The following PLSCR2 variants were observed in gnomAD, a reference collection of about 807,000 sequenced individuals.
PLSCR2 encodes the protein PL scramblase 2.
PLSCR2 carries 18 observed loss-of-function variants against 25.3 expected under a neutral mutation model. The observed-to-expected ratio is 0.71, with a 90% confidence interval of 0.49 to 1.06. The LOEUF (loss-of-function observed/expected upper bound fraction) is 1.06. PLSCR2 is among the 50% of genes least tolerant of loss of function. The pLI is 0.00. For missense variants in PLSCR2, 243 were observed against 269.5 expected, an observed-to-expected ratio of 0.90 and a Z score of 0.69; for synonymous variants, 88 against 87.3, an observed-to-expected ratio of 1.01 and a Z score of -0.04.
intron 1 of PLSCR2, among the ~76,000 whole-genome samples, chr3:146,484,289 G>A (rs77906693): frequency 0.028 from 4,210 of 150,888 alleles, 166 homozygotes; most frequent in African/African-American, 0.09. Context: ...ATGGGATTAC[G>A]AAAAAAGACT....
intron 8 of PLSCR2, among the ~76,000 whole-genome samples, chr3:146,436,661 A>C (rs2108180222): frequency 6.6e-6 from 1 of 152,298 alleles, no homozygotes; most frequent in South Asian, 2.1e-4. Flanking sequence ...TTATCAGCTT[A>C]AGGGGATTTT....
chr3:146,444,664 T>A (rs1020094685), intron 6 of PLSCR2, among the ~76,000 whole-genome samples: 3 of 151,988 alleles, frequency 2.0e-5, no homozygotes, highest in African/African-American at 7.2e-5. Context: ...GTGTGTTTCT[T>A]GAGGGCAACA....
At chr3:146,462,822 T>A (rs996111334), upstream of PLSCR2, among the ~76,000 whole-genome samples, 1 of 152,142 alleles carries the variant, frequency 6.6e-6, no homozygotes, top group Non-Finnish European at 1.5e-5. Context: ...AGGAAAGCCA[T>A]GAAGAAATGC....
intron 6 of PLSCR2, among the ~76,000 whole-genome samples, chr3:146,448,464 T>C (rs955252424): frequency 3.3e-5 from 5 of 152,238 alleles, no homozygotes; most frequent in Admixed American, 3.3e-4. Context: ...GCTTGAAGTC[T>C]TCATCCCAAC....
At chr3:146,478,824 A>G (rs2043025823) in intron 1 of PLSCR2, among the ~76,000 whole-genome samples, 1 of 152,210 alleles carries the variant, frequency 6.6e-6, no homozygotes, top group Admixed American at 6.5e-5. Flanking sequence ...GAAGGAAAAA[A>G]TGTTAAGGGC....
chr3:146,419,080 T>C (rs1368362897), intron 2 of PLSCR2, among the ~76,000 whole-genome samples: 1 of 152,062 alleles, frequency 6.6e-6, no homozygotes, highest in Non-Finnish European at 1.5e-5. Flanking sequence ...TCCTGATTCC[T>C]TTTTCTTAAA....
At position 146,423,282 on chromosome 3, in the gene PLSCR2, T is replaced by TCTAC; in HGVS notation, c.101-27362_101-27361insGTAG. On this transcript the variant is annotated intron_variant and NMD_transcript_variant, in intron 2 of 3. Coordinates refer to the PLSCR2 transcript ENST00000463633. The stretch of plus-strand genomic sequence containing the variant: ...CTCTCTCTCTCTCTCTCTCTCTCTC[T>TCTAC]CCCTGGCTAGATTCTCACAAGAAAC... Among the ~76,000 whole-genome samples, 3 of 101,004 alleles carry TCTAC rather than the reference T, an allele frequency of 3.0e-5. 1 individual carries two copies. The South Asian group carries it at 1.1e-3, about 37-fold the overall frequency. The allele number at this position is 101,004 out of a possible 152,430, so 66.3% of individuals were successfully genotyped here. A position where few individuals can be genotyped will look rare whatever the true frequency, so the allele number is the denominator to read the frequency against.
At position 146,453,259 on chromosome 3, in the gene PLSCR2, G is replaced by A. The variant is rs373006873; in HGVS notation, c.483+743C>T. On this transcript the variant is annotated intron_variant, in intron 5 of 6. Coordinates refer to ENST00000610787, the Ensembl canonical transcript of PLSCR2. ...GTGAGGTAGCCCTACTCAACTTTAG[G>A]ATTTTTATTCCTCATTTTGTGGAAT... Among the ~76,000 whole-genome samples, 48 of 151,404 alleles carry A rather than the reference G, an allele frequency of 3.2e-4. No homozygotes were observed. The South Asian group carries it at 1.0e-2, about 31-fold the overall frequency.
intron 2 of PLSCR2, among the ~76,000 whole-genome samples, chr3:146,404,687 A>C (rs1437753647): frequency 6.6e-6 from 1 of 152,110 alleles, no homozygotes; most frequent in Non-Finnish European, 1.5e-5. Flanking sequence ...CTCCAGGCAC[A>C]ATTTGTCCCA....
chr3:146,461,796 G>A (rs903180922), upstream of PLSCR2: 2 of 746,616 alleles, frequency 2.7e-6, no homozygotes, highest in Non-Finnish European at 4.7e-6. Flanking sequence ...CCCTTAGTAA[G>A]GAGTTTGGAT....
intron 2 of PLSCR2, among the ~76,000 whole-genome samples, chr3:146,419,839 A>G (rs1265771203): frequency 6.6e-6 from 1 of 152,048 alleles, no homozygotes; most frequent in Non-Finnish European, 1.5e-5. Flanking sequence ...CTCATAGACA[A>G]TACAAGATAA....
At position 146,471,257 on chromosome 3, in the gene PLSCR2, A is replaced by G. The variant is rs568985457; in HGVS notation, c.-292-10973T>C. 2.6e-5 allele frequency among the ~76,000 whole-genome samples: 4 copies of G among 152,250 alleles called. No individual in the cohort carries two copies. The South Asian group carries it at 6.2e-4, about 24-fold the overall frequency. ...TCTTTCTGTATACAATAAAAAAAAC[A>G]TTTTATTCTTTTACCAATAAGTCAT... On this transcript the variant is annotated intron_variant, in intron 1 of 8. Transcript: ENST00000336685.
In PLSCR2 at chr3:146,455,347, C is replaced by T. The variant is rs202000757; in HGVS notation, c.213G>A (p.Arg71=). 72 of 1,613,346 alleles carry T rather than the reference C, an allele frequency of 4.5e-5. No homozygotes were observed. In the Middle Eastern group the frequency reaches 9.9e-4, roughly 22 times the overall value. ...TAATCCTCAAGGTAAAAGGTCTAGACCGCCCACAGCAATTTCGGATACAGA... is the reference window on the plus strand; with the variant it reads ...TAATCCTCAAGGTAAAAGGTCTAGATCGCCCACAGCAATTTCGGATACAGA... The change falls in exon 4 of 7, where the codon CGG becomes CGA. Residue 71 remains arginine, a synonymous_variant. Coordinates refer to ENST00000610787, the Ensembl canonical transcript of PLSCR2.
intron 1 of PLSCR2, chr3:146,469,548 G>A (rs990160082): frequency 2.0e-6 from 2 of 985,312 alleles, no homozygotes; most frequent in African/African-American, 3.5e-5. Flanking sequence ...TCCTAGCGTG[G>A]CTTCCTCCCG....
chr3:146,426,977 TATA>T (rs1480940750), intron 2 of PLSCR2, among the ~76,000 whole-genome samples: 2 of 152,290 alleles, frequency 1.3e-5, no homozygotes, highest in Middle Eastern at 3.4e-3. Flanking sequence ...AAATAAATGA[TATA>T]ATAATAATAG....
intron 1 of PLSCR2, chr3:146,494,459 GT>G: frequency 6.6e-6 from 1 of 152,104 alleles, no homozygotes; most frequent in Non-Finnish European, 1.5e-5. Context: ...GTGTATATAT[GT>G]TTTAATACTT....
At chr3:146,462,565 A>G (rs1310932626), upstream of PLSCR2, among the ~76,000 whole-genome samples, 1 of 150,918 alleles carries the variant, frequency 6.6e-6, no homozygotes, top group Admixed American at 6.6e-5. Context: ...TCCTGCGTTC[A>G]AGCGATTCTC....
At chr3:146,402,736 G>A (rs2108005246) in intron 2 of PLSCR2, among the ~76,000 whole-genome samples, 1 of 152,226 alleles carries the variant, frequency 6.6e-6, no homozygotes, top group East Asian at 1.9e-4. Flanking sequence ...CCAAAGTGCT[G>A]GGATTGCAGG....
intron 5 of PLSCR2, among the ~76,000 whole-genome samples, chr3:146,453,604 A>G (rs1376105075): frequency 6.6e-6 from 1 of 152,160 alleles, no homozygotes; most frequent in Non-Finnish European, 1.5e-5. Context: ...AGATGTCAGA[A>G]CTTCTGGACA....
Sources: gnomAD v4.1 joint callset for allele counts (sites outside exome capture counted in the v4.1 genomes callset) on GRCh38, gnomAD v4.1.1 for gene constraint, MANE v1.5 for transcripts, NCBI Gene and HGNC (gene_info 2026-07-23, HGNC 2026-07-21) for gene names.